CCSER1: variants seen among roughly 807,000 people sequenced by gnomAD.
CCSER1 encodes coiled-coil serine rich protein 1, also known as serine-rich coiled-coil domain-containing protein 1.
Under a neutral mutation model 82.0 loss-of-function variants are expected in CCSER1, and 41 were observed. The ratio of observed to expected loss-of-function variants is 0.50; its 90% CI spans 0.39 to 0.65. The LOEUF is 0.65. Among genes scored for constraint, CCSER1 ranks in the 30% least tolerant of loss-of-function variants. CCSER1 has a pLI of 0.00. For missense variants in CCSER1, 1,119 were observed against 1,064.2 expected (o/e 1.05, Z -0.72); for synonymous variants, 414 against 383.9 (o/e 1.08, Z -0.92).
At chr4:91,256,187 C>T (rs1219734424) in intron 10 of CCSER1, among the ~76,000 whole-genome samples, 2 of 152,212 alleles carry the variant, frequency 1.3e-5, no homozygotes, top group South Asian at 2.1e-4. Context: ...CTGCCTTATG[C>T]AGTTGCAGAT....
Position 91,567,764 on chromosome 4 carries a change from A to G in CCSER1, c.2218-30808A>G, listed in dbSNP as rs546155674. The stretch of plus-strand genomic sequence containing the variant: ...CCTTTGAGCCTCTGACTGTTATTAC[A>G]TGTGAGATGGGACTCTTGAAGACAG... On this transcript the variant is annotated intron_variant, in intron 10 of 10. Transcript: ENST00000509176. Among the ~76,000 whole-genome samples, 4 of 151,990 alleles carry G rather than the reference A, an allele frequency of 2.6e-5. No individual in the cohort carries two copies. In the South Asian group the frequency reaches 6.2e-4, roughly 24 times the overall value.
chr4:90,704,262 G>A (rs969346021), intron 6 of CCSER1, among the ~76,000 whole-genome samples: 1 of 152,138 alleles, frequency 6.6e-6, no homozygotes, highest in African/African-American at 2.4e-5. Flanking sequence ...TGAAATTCTG[G>A]GTTGAAAATT....
chr4:90,608,020 A>AT (rs772242295), intron 5 of CCSER1, among the ~76,000 whole-genome samples: 2 of 152,214 alleles, frequency 1.3e-5, no homozygotes, highest in Non-Finnish European at 2.9e-5. Flanking sequence ...GACTCCTCAC[A>AT]TTTCCTAAGT....
At chr4:90,607,908 A>G (rs1784947888) in intron 5 of CCSER1, among the ~76,000 whole-genome samples, 1 of 152,114 alleles carries the variant, frequency 6.6e-6, no homozygotes, top group African/African-American at 2.4e-5. Context: ...ACTCCACTTA[A>G]CCGTTTTTAA....
chr4:91,430,628 A>G (rs1038483121), intron 10 of CCSER1, among the ~76,000 whole-genome samples: 4 of 152,234 alleles, frequency 2.6e-5, no homozygotes, highest in Non-Finnish European at 5.9e-5. Flanking sequence ...TTGTTTTCCA[A>G]AAAAAGAAAA....
intron 10 of CCSER1, among the ~76,000 whole-genome samples, chr4:91,274,742 G>C (rs1302787283): frequency 2.6e-5 from 4 of 152,052 alleles, no homozygotes; most frequent in Non-Finnish European, 4.4e-5. Flanking sequence ...GGACACTGAG[G>C]TCCATTCCAT....
intron 10 of CCSER1, among the ~76,000 whole-genome samples, chr4:91,339,963 A>G (rs113556326): frequency 0.062 from 9,395 of 151,970 alleles, 946 homozygotes; most frequent in African/African-American, 0.21. Context: ...CTAAAAATAC[A>G]AAAATTAGCC....
At chr4:91,149,683 A>G (rs1729942591) in intron 10 of CCSER1, among the ~76,000 whole-genome samples, 1 of 152,200 alleles carries the variant, frequency 6.6e-6, no homozygotes, top group Non-Finnish European at 1.5e-5. Context: ...ATCCAGTTTC[A>G]GCTTTCTGCA....
intron 5 of CCSER1, among the ~76,000 whole-genome samples, chr4:90,523,753 A>G (rs1431348521): frequency 6.6e-6 from 1 of 152,176 alleles, no homozygotes; most frequent in Admixed American, 6.5e-5. Flanking sequence ...ACTATAAATG[A>G]TAGTAGACCT....
chr4:90,772,113 G>T (rs545400040), intron 7 of CCSER1, among the ~76,000 whole-genome samples: 1 of 151,974 alleles, frequency 6.6e-6, no homozygotes, highest in East Asian at 1.9e-4. Context: ...CAATAAAAAA[G>T]GAAATAATTT....
chr4:90,315,813 C>T (rs1736068754), intron 3 of CCSER1, among the ~76,000 whole-genome samples: 1 of 152,090 alleles, frequency 6.6e-6, no homozygotes, highest in African/African-American at 2.4e-5. Context: ...AGTTACTTCA[C>T]ACTTAATTAA....
At chr4:90,171,082 C>G (rs754299463) in intron 1 of CCSER1, among the ~76,000 whole-genome samples, 5 of 151,216 alleles carry the variant, frequency 3.3e-5, no homozygotes, top group African/African-American at 4.9e-5. Context: ...GCATTTATGC[C>G]TGTTTCAAAA....
intron 10 of CCSER1, among the ~76,000 whole-genome samples, chr4:91,471,102 G>A (rs1034800993): frequency 8.5e-5 from 13 of 152,080 alleles, no homozygotes; most frequent in African/African-American, 2.7e-4. Context: ...TGGGCTAATC[G>A]TATCTTTATT....
Position 91,336,733 on chromosome 4 carries a change from T to C in CCSER1, c.2217+250739T>C, listed in dbSNP as rs1747353589. Among the ~76,000 whole-genome samples the C allele has an allele frequency of 2.0e-5, 3 of 152,100 alleles. No individual in the cohort carries two copies. The South Asian group carries it at 6.2e-4, about 31-fold the overall frequency. On this transcript the variant is annotated intron_variant, in intron 10 of 10. Coordinates refer to ENST00000509176, the MANE Select transcript of CCSER1 (RefSeq NM_001145065.2). ...TATTCTAATAGACTTAAGAACTCTC[T>C]TTAATTATATTTTAACAAAAACATT...
chr4:91,261,377 C>A (rs1741119255), intron 10 of CCSER1, among the ~76,000 whole-genome samples: 1 of 152,130 alleles, frequency 6.6e-6, no homozygotes, highest in African/African-American at 2.4e-5. Flanking sequence ...CTCTTTATTT[C>A]TTTTAATTGC....
intron 10 of CCSER1, among the ~76,000 whole-genome samples, chr4:91,590,423 T>TGA (rs1214325070): frequency 6.6e-6 from 1 of 152,120 alleles, no homozygotes; most frequent in Non-Finnish European, 1.5e-5. Context: ...TGTAGTAGAG[T>TGA]GTTTCCTAGA....
At chr4:90,787,711 GTA>G (rs907919302) in intron 7 of CCSER1, among the ~76,000 whole-genome samples, 2 of 152,184 alleles carry the variant, frequency 1.3e-5, no homozygotes, top group Non-Finnish European at 2.9e-5. Flanking sequence ...TTGAACAATT[GTA>G]TGTCTCCATG....
intron 1 of CCSER1, among the ~76,000 whole-genome samples, chr4:90,298,599 TG>T (rs1482142354): frequency 6.6e-6 from 1 of 152,154 alleles, no homozygotes; most frequent in Non-Finnish European, 1.5e-5. Flanking sequence ...GTGTCAATTT[TG>T]GATCTTTCCT....
At chr4:91,186,499 G>A (rs9994222) in intron 10 of CCSER1, among the ~76,000 whole-genome samples, 110,262 of 151,872 alleles carry the variant, frequency 0.73, 40,335 homozygotes, top group Non-Finnish European at 0.78. Flanking sequence ...TCGAGCCCCC[G>A]TGATGGACGC....
Sources: gnomAD v4.1 joint callset for allele counts (sites outside exome capture counted in the v4.1 genomes callset) on GRCh38, gnomAD v4.1.1 for gene constraint, MANE v1.5 for transcripts, NCBI Gene and HGNC (gene_info 2026-07-23, HGNC 2026-07-21) for gene names.